CSMD1: variants seen among roughly 807,000 people sequenced by gnomAD.
The protein encoded by CSMD1 is CUB and sushi domain-containing protein 1.
Under a neutral mutation model 417.5 loss-of-function variants are expected in CSMD1, and 213 were observed. The observed-to-expected ratio is 0.51, with a 90% CI of 0.46 to 0.57. The LOEUF is 0.57. CSMD1 is among the 20% of genes least tolerant of loss of function. The pLI, the probability that CSMD1 is intolerant of heterozygous loss-of-function variation, is 0.00. For synonymous variants in CSMD1, 2,862 were observed against 1,736.8 expected, an observed-to-expected ratio of 1.65 and a Z score of -16.11; for missense variants, 6,923 against 4,529.7, an observed-to-expected ratio of 1.53 and a Z score of -15.17.
chr8:3,661,966 A>T (rs888832148), intron 7 of CSMD1, among the ~76,000 whole-genome samples: 1 of 152,162 alleles, frequency 6.6e-6, no homozygotes, highest in African/African-American at 2.4e-5. Context: ...AGAACGGGAC[A>T]CCCAGAGGCT....
chr8:3,705,325 G>C (rs1801103686), intron 7 of CSMD1, among the ~76,000 whole-genome samples: 1 of 152,160 alleles, frequency 6.6e-6, no homozygotes, highest in African/African-American at 2.4e-5. Flanking sequence ...ACAGCTTCAG[G>C]GGGCTGCAGG....
intron 36 of CSMD1, 23 bp from the exon 37 acceptor site, chr8:3,181,237 A>G (rs2129047591): frequency 1.4e-6 from 2 of 1,467,984 alleles, no homozygotes; most frequent in East Asian, 4.5e-5. Flanking sequence ...ATGCAGATAG[A>G]ATTGTAACAC....
intron 1 of CSMD1, among the ~76,000 whole-genome samples, chr8:4,780,338 G>C (rs926635385): frequency 2.6e-5 from 4 of 152,166 alleles, no homozygotes; most frequent in Non-Finnish European, 4.4e-5. Context: ...GCATAATCTA[G>C]AACTAATTAG....
intron 3 of CSMD1, among the ~76,000 whole-genome samples, chr8:4,151,419 T>A (rs1333583753): frequency 1.3e-5 from 2 of 152,200 alleles, no homozygotes; most frequent in African/African-American, 4.8e-5. Context: ...AAAATATAAA[T>A]AAATTCTGAG....
At chr8:3,342,197 A>T (rs1450280370) in intron 23 of CSMD1, among the ~76,000 whole-genome samples, 1 of 152,312 alleles carries the variant, frequency 6.6e-6, no homozygotes, top group Middle Eastern at 3.4e-3. Context: ...TTTTTTGGCC[A>T]AAGTCTTACA....
intron 49 of CSMD1, among the ~76,000 whole-genome samples, chr8:3,069,434 G>GAA (rs113747632): frequency 4.7e-4 from 65 of 138,182 alleles, no homozygotes; most frequent in African/African-American, 1.5e-3. Context: ...GACTCTGTCT[G>GAA]AAAAAAAAAA....
intron 5 of CSMD1, among the ~76,000 whole-genome samples, chr8:3,916,681 C>T (rs1808851165): frequency 6.6e-6 from 1 of 152,054 alleles, no homozygotes; most frequent in Admixed American, 6.6e-5. Context: ...CTGATGTAAT[C>T]TGTGTAGTTT....
intron 49 of CSMD1, among the ~76,000 whole-genome samples, chr8:3,074,053 C>A (rs891976017): frequency 6.6e-6 from 1 of 152,204 alleles, no homozygotes; most frequent in African/African-American, 2.4e-5. Flanking sequence ...TGCTTTCTCA[C>A]CTGGAGGCGC....
intron 10 of CSMD1, among the ~76,000 whole-genome samples, chr8:3,525,292 C>T (rs138900091): frequency 1.3e-5 from 2 of 152,178 alleles, no homozygotes; most frequent in East Asian, 1.9e-4. Flanking sequence ...AGCAACAGAC[C>T]AGGTTAAAAA....
chr8:4,360,250 A>G (rs1455174745), intron 3 of CSMD1, among the ~76,000 whole-genome samples: 1 of 152,106 alleles, frequency 6.6e-6, no homozygotes, highest in Admixed American at 6.5e-5. Flanking sequence ...TTTCCTGATG[A>G]ACACACATCT....
chr8:4,870,162 C>A (rs907517903), intron 1 of CSMD1, among the ~76,000 whole-genome samples: 1 of 152,014 alleles, frequency 6.6e-6, no homozygotes, highest in Non-Finnish European at 1.5e-5. Context: ...GTTTAAACAT[C>A]ATGGAAATTT....
intron 3 of CSMD1, among the ~76,000 whole-genome samples, chr8:4,378,456 C>A (rs1266900018): frequency 6.6e-6 from 1 of 152,204 alleles, no homozygotes; most frequent in Non-Finnish European, 1.5e-5. Flanking sequence ...TATTCTCTGT[C>A]TAGCACTCTG....
intron 51 of CSMD1, among the ~76,000 whole-genome samples, chr8:3,024,137 G>A: frequency 9.4e-6 from 1 of 106,860 alleles, no homozygotes; most frequent in South Asian, 4.0e-4. Context: ...GGTGTGGTGT[G>A]TGTGTGTGTG....
At chr8:4,048,215 A>G (rs183436637) in intron 3 of CSMD1, among the ~76,000 whole-genome samples, 117 of 152,318 alleles carry the variant, frequency 7.7e-4, no homozygotes, top group African/African-American at 2.7e-3. Context: ...TGAATAACAT[A>G]CCGTTCTTTG....
intron 3 of CSMD1, among the ~76,000 whole-genome samples, chr8:4,078,939 A>ATATATG (rs1799980244): frequency 2.0e-4 from 4 of 19,800 alleles, no homozygotes; most frequent in Non-Finnish European, 5.1e-4. Flanking sequence ...ATATATATAT[A>ATATATG]TATGTATGTT....
intron 4 of CSMD1, among the ~76,000 whole-genome samples, chr8:4,016,682 A>G (rs1802826761): frequency 6.6e-6 from 1 of 152,226 alleles, no homozygotes; most frequent in Non-Finnish European, 1.5e-5. Context: ...CAAGAGCTTC[A>G]GCAAAATAGA....
intron 37 of CSMD1, among the ~76,000 whole-genome samples, chr8:3,175,872 T>C (rs1036468400): frequency 6.6e-6 from 1 of 152,206 alleles, no homozygotes; most frequent in Non-Finnish European, 1.5e-5. Flanking sequence ...AAAGTAACCT[T>C]TTAAGAAAGG....
chr8:3,307,669 C>G (rs772982491), intron 25 of CSMD1, 26 bp downstream of exon 25: 1 of 1,608,400 alleles, frequency 6.2e-7, no homozygotes, highest in East Asian at 2.2e-5. Flanking sequence ...TTTCTCAAAT[C>G]ACTGAAACCA....
chr8:4,901,063 C>G (rs1411662945), intron 1 of CSMD1, among the ~76,000 whole-genome samples: 1 of 152,216 alleles, frequency 6.6e-6, no homozygotes. Context: ...GGAGATTACA[C>G]AGAGTTGAAG....
Sources: allele counts gnomAD v4.1 joint callset (sites outside exome capture counted in the v4.1 genomes callset), GRCh38; gene constraint gnomAD v4.1.1; transcripts MANE v1.5; gene names NCBI Gene and HGNC (gene_info 2026-07-23, HGNC 2026-07-21).